The following ANXA2 variants were observed in gnomAD, a reference collection of about 807,000 sequenced individuals.
The protein encoded by ANXA2 is annexin A2, also known as annexin II.
Under a neutral mutation model 47.3 loss-of-function variants are expected in ANXA2, and 28 were observed. The observed-to-expected ratio is 0.59, with a 90% CI of 0.44 to 0.81. The LOEUF (loss-of-function observed/expected upper bound fraction) is 0.81, where lower values mean the gene tolerates loss of function less well. ANXA2 is among the 40% of genes least tolerant of loss of function. The pLI is 0.00. For missense variants in ANXA2, 384 were observed against 414.3 expected (o/e 0.93, Z 0.64); for synonymous variants, 172 against 155.5 (o/e 1.11, Z -0.79).
intron 3 of ANXA2, among the ~76,000 whole-genome samples, chr15:60,365,745 C>T (rs1178160006): frequency 6.6e-6 from 1 of 152,060 alleles, no homozygotes; most frequent in African/African-American, 2.4e-5. Context: ...AATATGCTTG[C>T]TATCTTAACT....
intron 3 of ANXA2, among the ~76,000 whole-genome samples, chr15:60,367,382 C>G (rs1263446047): frequency 2.4e-5 from 1 of 40,874 alleles, no homozygotes; most frequent in East Asian, 9.4e-4. Context: ...CCGCCCGGTC[C>G]GGGAGGGAGG....
intron 3 of ANXA2, among the ~76,000 whole-genome samples, chr15:60,381,416 A>G (rs953089083): frequency 1.3e-5 from 2 of 152,200 alleles, no homozygotes; most frequent in Non-Finnish European, 2.9e-5. Context: ...GAGAGCTGCA[A>G]TATTTTTCAG....
chr15:60,367,126 T>G (rs1444076474), intron 3 of ANXA2, among the ~76,000 whole-genome samples: 3 of 41,428 alleles, frequency 7.2e-5, no homozygotes, highest in Non-Finnish European at 8.9e-5. Flanking sequence ...GGTGGGGGGG[T>G]CAGCCCCCCG....
intron 3 of ANXA2, among the ~76,000 whole-genome samples, chr15:60,366,138 C>G (rs369531275): frequency 7.4e-6 from 1 of 135,136 alleles, no homozygotes; most frequent in Non-Finnish European, 1.6e-5. Context: ...GATGGAGTCT[C>G]GTTCACTCAG....
intron 12 of ANXA2, 32 bp from the exon 13 acceptor site, chr15:60,347,721 G>T: frequency 6.2e-7 from 1 of 1,606,976 alleles, no homozygotes; most frequent in Non-Finnish European, 8.5e-7. Context: ...AAGAAACGTG[G>T]TATCAGAAAA....
intron 1 of ANXA2, among the ~76,000 whole-genome samples, chr15:60,391,684 T>C (rs1285295965): frequency 2.6e-5 from 4 of 152,188 alleles, no homozygotes; most frequent in African/African-American, 9.6e-5. Flanking sequence ...CTGTTTTGAA[T>C]GAAAATAAAA....
At chr15:60,393,758 T>C (rs2063045226) in intron 1 of ANXA2, 1 of 890,502 alleles carries the variant, frequency 1.1e-6, no homozygotes, top group Non-Finnish European at 1.3e-6. Flanking sequence ...GAGTTACATG[T>C]GTAAAGTCTG....
chr15:60,364,151 A>G (rs2062557540), intron 4 of ANXA2, among the ~76,000 whole-genome samples: 1 of 152,186 alleles, frequency 6.6e-6, no homozygotes, highest in Non-Finnish European at 1.5e-5. Flanking sequence ...TTCTCACAGA[A>G]GCGCGAACCC....
chr15:60,386,896 C>G (rs371043055), intron 1 of ANXA2: 4 of 152,116 alleles, frequency 2.6e-5, no homozygotes, highest in East Asian at 3.9e-4. Context: ...AACATAATCA[C>G]CCCAAGAATA....
chr15:60,349,717 A>G (rs966230588), intron 11 of ANXA2, among the ~76,000 whole-genome samples: 4 of 150,122 alleles, frequency 2.7e-5, no homozygotes, highest in Non-Finnish European at 4.4e-5. Flanking sequence ...ACAGAGAGAG[A>G]GAGGGAAAGA....
intron 4 of ANXA2, among the ~76,000 whole-genome samples, chr15:60,362,364 A>G (rs2140832814): frequency 6.6e-6 from 1 of 152,342 alleles, no homozygotes; most frequent in East Asian, 1.9e-4. Context: ...TGTTTCTCAC[A>G]ATGTCCAGCA....
chr15:60,354,295 C>A, intron 7 of ANXA2, 82 bp from the exon 8 acceptor site: 1 of 1,116,966 alleles, frequency 9.0e-7, no homozygotes. Flanking sequence ...AGTCCATGTA[C>A]GCCATTATTT....
chr15:60,351,158 G>A (rs992125832), intron 11 of ANXA2, 35 bp downstream of exon 11: 1 of 1,608,030 alleles, frequency 6.2e-7, no homozygotes, highest in Non-Finnish European at 8.5e-7. Flanking sequence ...AAAGCTGAGT[G>A]TGGAAACACA....
At chr15:60,382,007 G>C (rs1203941803) in intron 3 of ANXA2, among the ~76,000 whole-genome samples, 1 of 148,816 alleles carries the variant, frequency 6.7e-6, no homozygotes, top group Non-Finnish European at 1.5e-5. Flanking sequence ...AACGGGGGGT[G>C]GGGGAGGAAA....
intron 5 of ANXA2, among the ~76,000 whole-genome samples, chr15:60,360,580 G>A (rs1027408632): frequency 2.0e-5 from 3 of 152,128 alleles, no homozygotes; most frequent in Non-Finnish European, 2.9e-5. Context: ...GAATTTGCAA[G>A]CTTCACTTAA....
chr15:60,382,422 G>T lies in ANXA2; in HGVS notation c.68C>A (p.Ala23Glu), dbSNP rs762143123. The T allele has an allele frequency of 2.5e-5, 41 of 1,613,388 alleles. No individual in the cohort carries two copies. The Admixed American group carries it at 6.7e-4, about 26-fold the overall frequency. Residue 23 changes from alanine (A) to glutamate (E), a missense_variant, in exon 3 of 13, where the codon GCA becomes GAA. By Grantham distance (107) the Ala-to-Glu change is moderately radical. Coordinates refer to ENST00000451270, the MANE Select transcript of ANXA2 (RefSeq NM_004039.3). ...LEGDHSTPPSAYGSVKAYTNF... is the reference protein window; with the variant it reads ...LEGDHSTPPSEYGSVKAYTNF... ...AGTATAGGCTTTGACAGACCCATATGCACTTGGGGGTGTAGAGTGCTGAGG... is the reference window on the plus strand; with the variant it reads ...AGTATAGGCTTTGACAGACCCATATTCACTTGGGGGTGTAGAGTGCTGAGG...
At chr15:60,391,804 C>T (rs74555663) in intron 1 of ANXA2, among the ~76,000 whole-genome samples, 2 of 152,036 alleles carry the variant, frequency 1.3e-5, no homozygotes, top group Non-Finnish European at 2.9e-5. Context: ...TTCTGGCAGA[C>T]TTCTCTAAAG....
At chr15:60,367,148 G>A (rs1490488475) in intron 3 of ANXA2, among the ~76,000 whole-genome samples, 2 of 79,196 alleles carry the variant, frequency 2.5e-5, no homozygotes, top group East Asian at 8.5e-4. Flanking sequence ...CCGGCCAGCC[G>A]CCCCGTCCGG....
chr15:60,368,318 A>T (rs1028406250), intron 3 of ANXA2, among the ~76,000 whole-genome samples: 11 of 65,998 alleles, frequency 1.7e-4, no homozygotes, highest in African/African-American at 4.7e-4. Flanking sequence ...TAAAAAAAAA[A>T]AATAAAATAA....
Sources: allele counts gnomAD v4.1 joint callset (sites outside exome capture counted in the v4.1 genomes callset), GRCh38; gene constraint gnomAD v4.1.1; transcripts MANE v1.5; gene names NCBI Gene and HGNC (gene_info 2026-07-23, HGNC 2026-07-21).